The following PCDHGA11 variants were observed in gnomAD, a reference collection of about 807,000 sequenced individuals.
The protein encoded by PCDHGA11 is protocadherin gamma subfamily A, 11, also known as protocadherin gamma-A11.
In PCDHGA11, 39 loss-of-function variants were observed where a neutral mutation model predicts 60.4. The observed-to-expected ratio is 0.65, with a 90% confidence interval of 0.50 to 0.84. The LOEUF is 0.84. Ranked by LOEUF, PCDHGA11 falls within the 40% of genes least tolerant of loss-of-function variation. The pLI, the probability that PCDHGA11 is intolerant of heterozygous loss-of-function variation, is 0.00. For missense variants in PCDHGA11, 1,165 were observed against 1,197.7 expected (o/e 0.97, Z 0.40); for synonymous variants, 533 against 510.3 (o/e 1.04, Z -0.60).
Position 141,459,075 on chromosome 5 carries a change from G to C in PCDHGA11, c.2433+35415G>C, listed in dbSNP as rs562572838. ...GTATAATTTATATAACATAAAATTT[G>C]CCTTTTAAAATTATACAGTGCAATG... On this transcript the variant is annotated intron_variant, in intron 1 of 3. Transcript: ENST00000398587. 4.6e-5 allele frequency among the ~76,000 whole-genome samples: 7 copies of C among 152,252 alleles called. No individual in the cohort carries two copies. The East Asian group carries it at 1.4e-3, about 29-fold the overall frequency.
intron 3 of PCDHGA11, among the ~76,000 whole-genome samples, chr5:141,510,375 G>A (rs980966602): frequency 3.4e-5 from 5 of 148,132 alleles, no homozygotes; most frequent in East Asian, 2.0e-4. Context: ...ATCTCTACTC[G>A]TGCCAGGCCT....
rs756566609 is a variant in PCDHGA11 at position 141,421,778 on chromosome 5, G to C, written c.551G>C (p.Arg184Pro). 1 of 1,613,844 alleles carries C rather than the reference G, an allele frequency of 6.2e-7. No individual in the cohort carries two copies. The highest frequency in any genetic ancestry group is 8.5e-7 in the Non-Finnish European group (1 of 1,179,862). ...AATAATTACTTTTCCTTGCAACTGCGGGGCAGAACGGATGGGGCCAAGAAT... is the reference window on the plus strand; with the variant it reads ...AATAATTACTTTTCCTTGCAACTGCCGGGCAGAACGGATGGGGCCAAGAAT... ...SPNNYFSLQL[R>P]GRTDGAKNPE... Residue 184 changes from arginine (R) to proline (P), a missense_variant, in exon 1 of 4, where the codon CGG becomes CCG. Arg to Pro is a moderately radical substitution (Grantham distance 103). Coordinates refer to ENST00000398587, the MANE Select transcript of PCDHGA11 (RefSeq NM_018914.3).
chr5:141,448,232 T>A (rs917554207), intron 1 of PCDHGA11, among the ~76,000 whole-genome samples: 1 of 152,094 alleles, frequency 6.6e-6, no homozygotes, highest in Admixed American at 6.6e-5. Context: ...ATGTGTGGGG[T>A]TTTCTTTGCA....
intron 2 of PCDHGA11, among the ~76,000 whole-genome samples, chr5:141,504,794 A>G (rs2099841154): frequency 6.6e-6 from 1 of 151,718 alleles, no homozygotes; most frequent in African/African-American, 2.4e-5. Flanking sequence ...GGCCTCCTAC[A>G]TCTCCCCCTA....
At chr5:141,488,389 A>G (rs1322717951) in intron 1 of PCDHGA11, among the ~76,000 whole-genome samples, 1 of 152,224 alleles carries the variant, frequency 6.6e-6, no homozygotes, top group East Asian at 1.9e-4. Context: ...GAATTTGGTG[A>G]AACCATGAAA....
At chr5:141,457,330 A>G (rs2098916985) in intron 1 of PCDHGA11, among the ~76,000 whole-genome samples, 1 of 152,174 alleles carries the variant, frequency 6.6e-6, no homozygotes, top group Non-Finnish European at 1.5e-5. Flanking sequence ...GGTTACAGGT[A>G]CCTTACTTAC....
intron 1 of PCDHGA11, among the ~76,000 whole-genome samples, chr5:141,455,315 T>G (rs1416163436): frequency 6.6e-6 from 1 of 152,152 alleles, no homozygotes; most frequent in Non-Finnish European, 1.5e-5. Context: ...TTAGCAATTT[T>G]GTGTGTGTGT....
Position 141,486,902 on chromosome 5 carries a change from C to T in PCDHGA11, c.2434-7905C>T, listed in dbSNP as rs2099636761. On this transcript the variant is annotated intron_variant, in intron 1 of 3. Transcript: ENST00000398587. This position sits in a 1 kb window ranked among gnomAD's most constrained non-coding sequence, Gnocchi z 5.0. ...TCGGGCCCGGCCTGGTTCCTTATGT[C>T]CCCAAGCACTGCCTCCATCAGTTGG... 1 of 1,614,226 alleles carries T rather than the reference C, an allele frequency of 6.2e-7. No individual in the cohort carries two copies. The highest frequency in any genetic ancestry group is 8.5e-7 in the Non-Finnish European group (1 of 1,180,044).
chr5:141,467,572 G>A (rs1351985954), intron 1 of PCDHGA11, among the ~76,000 whole-genome samples: 1 of 152,184 alleles, frequency 6.6e-6, no homozygotes, highest in African/African-American at 2.4e-5. Flanking sequence ...TGGCTATCCA[G>A]TTGTCCCAAT....
chr5:141,495,642 C>T (rs1294293252), intron 2 of PCDHGA11, among the ~76,000 whole-genome samples: 1 of 152,208 alleles, frequency 6.6e-6, no homozygotes. Flanking sequence ...TTTCATTTGT[C>T]TACTTGCATT....
At position 141,472,488 on chromosome 5, in the gene PCDHGA11, C is replaced by T. The variant is rs183545662; in HGVS notation, c.2434-22319C>T. 4.0e-3 allele frequency among the ~76,000 whole-genome samples: 607 copies of T among 151,768 alleles called. 6 individuals carry two copies. The highest frequency in any genetic ancestry group is 0.011 in the Admixed American group (174 of 15,254). On this transcript the variant is annotated intron_variant, in intron 1 of 3. Coordinates refer to ENST00000398587, the MANE Select transcript of PCDHGA11 (RefSeq NM_018914.3). Reference sequence around the variant, plus strand: ...CCAGAAGGCAGAGCTTGCAGTGAGACGAGATCGTGCCACTGCACTCCAGCC... The same window carrying T: ...CCAGAAGGCAGAGCTTGCAGTGAGATGAGATCGTGCCACTGCACTCCAGCC...
At chr5:141,426,427 G>A in intron 1 of PCDHGA11, 2 of 293,710 alleles carry the variant, frequency 6.8e-6, no homozygotes, top group Non-Finnish European at 1.3e-5. Context: ...CTCCGTGGTG[G>A]GGAACCTTGC....
In PCDHGA11 at chr5:141,470,146, A is replaced by G. The variant is rs181633492; in HGVS notation, c.2434-24661A>G. On this transcript the variant is annotated intron_variant, in intron 1 of 3. Coordinates refer to ENST00000398587, the MANE Select transcript of PCDHGA11 (RefSeq NM_018914.3). ...TTCGTCTCAAAAAAAAAGATCATAG[A>G]TCATCTTATCAAATCAAAGTATGCA... Among the ~76,000 whole-genome samples, 102 of 152,308 alleles carry G rather than the reference A, an allele frequency of 6.7e-4. 2 individuals carry two copies. Among genetic ancestry groups the G allele is most frequent in the African/African-American group, 2.4e-3 (99 of 41,558 alleles).
intron 1 of PCDHGA11, among the ~76,000 whole-genome samples, chr5:141,438,655 T>G (rs1436221152): frequency 7.1e-6 from 1 of 140,042 alleles, no homozygotes; most frequent in East Asian, 2.1e-4. Flanking sequence ...CACACACATA[T>G]ATGTATATAT....
rs759191157 is a variant in PCDHGA11, at chr5:141,485,768, C to T, written c.2434-9039C>T. Reference sequence around the variant, plus strand: ...GGTCCCAGAGCTGCTCCTGGAGAAGCCTTTGGATCGAGAGAAGCAATCGGA... The same window carrying T: ...GGTCCCAGAGCTGCTCCTGGAGAAGTCTTTGGATCGAGAGAAGCAATCGGA... On this transcript the variant is annotated intron_variant, in intron 1 of 3. Transcript: ENST00000398587. This position sits in a 1 kb window ranked among gnomAD's most constrained non-coding sequence, Gnocchi z 5.7. The T allele has an allele frequency of 5.6e-6, 9 of 1,614,074 alleles. No individual in the cohort carries two copies. The highest frequency in any genetic ancestry group is 1.7e-5 in the Admixed American group (1 of 60,000).
intron 1 of PCDHGA11, chr5:141,441,837 G>A (rs952709777): frequency 2.8e-6 from 1 of 354,138 alleles, no homozygotes. Context: ...ATGGCTTCGC[G>A]CTCTTGGATA....
Position 141,422,677 on chromosome 5 carries a change from C to G in PCDHGA11, c.1450C>G (p.Gln484Glu). ...SVTALDPDSK[Q>E]NALVTYSLTD... ...GACCGCCCTCGACCCGGACAGCAAA[C>G]AGAATGCCCTGGTCACTTACTCTCT... The change falls in exon 1 of 4, where the codon CAG becomes GAG. Residue 484 changes from glutamine to glutamate, a missense_variant. Physicochemically the swap from Gln to Glu is conservative, Grantham distance 29. Transcript: ENST00000398587. The G allele has an allele frequency of 6.2e-7, 1 of 1,606,186 alleles. No homozygotes were observed. Among genetic ancestry groups the G allele is most frequent in the Non-Finnish European group, 8.5e-7 (1 of 1,175,816 alleles).
rs1230717990 is a variant in PCDHGA11, at chr5:141,431,707, G to A, written c.2433+8047G>A. The A allele has an allele frequency of 6.2e-7, 1 of 1,614,232 alleles. No homozygotes were observed. Among genetic ancestry groups the A allele is most frequent in the South Asian group, 1.1e-5 (1 of 91,088 alleles). On this transcript the variant is annotated intron_variant, in intron 1 of 3. Coordinates refer to ENST00000398587, the MANE Select transcript of PCDHGA11 (RefSeq NM_018914.3). This position sits in a 1 kb window ranked among gnomAD's most constrained non-coding sequence, Gnocchi z 4.8. ...ACCACGAGGAGTCAGGATTCTACCAGATGGAAGTGCAAGCAATGGATAATG... is the reference window on the plus strand; with the variant it reads ...ACCACGAGGAGTCAGGATTCTACCAAATGGAAGTGCAAGCAATGGATAATG...
At chr5:141,453,370 G>A (rs969698165) in intron 1 of PCDHGA11, among the ~76,000 whole-genome samples, 1 of 152,046 alleles carries the variant, frequency 6.6e-6, no homozygotes, top group Non-Finnish European at 1.5e-5. Context: ...CTGGGGTCAA[G>A]TGATCCTCCT....
Sources: allele counts gnomAD v4.1 joint callset (sites outside exome capture counted in the v4.1 genomes callset), GRCh38; gene constraint gnomAD v4.1.1; non-coding constraint Gnocchi (gnomAD v3.1); transcripts MANE v1.5; gene names NCBI Gene and HGNC (gene_info 2026-07-23, HGNC 2026-07-21).